The following DAB1 variants were observed in gnomAD, a reference collection of about 807,000 sequenced individuals.
DAB1 encodes disabled homolog 1.
DAB1 carries 15 observed loss-of-function variants against 64.6 expected under a neutral mutation model. That is an observed-to-expected ratio of 0.23 (90% CI 0.16 to 0.36). DAB1 has a LOEUF of 0.36. Among genes scored for constraint, DAB1 ranks in the 10% least tolerant of loss-of-function variants. The probability of loss-of-function intolerance (pLI) is 1.00; values close to 1 mark genes in which losing one functional copy is unlikely to be tolerated. For missense variants in DAB1, 596 were observed against 706.7 expected (o/e 0.84, Z 1.78); for synonymous variants, 235 against 251.9 (o/e 0.93, Z 0.64).
intron 4 of DAB1, among the ~76,000 whole-genome samples, chr1:58,304,095 T>C (rs1358771524): frequency 1.3e-5 from 2 of 152,004 alleles, no homozygotes; most frequent in Non-Finnish European, 2.9e-5. Flanking sequence ...CGGGGAAAAA[T>C]TCATGATTCC....
intron 4 of DAB1, among the ~76,000 whole-genome samples, chr1:58,232,802 G>A (rs1482829174): frequency 3.9e-5 from 6 of 152,148 alleles, no homozygotes; most frequent in Non-Finnish European, 8.8e-5. Flanking sequence ...CAAAGGCTCT[G>A]TTCAATCAAA....
chr1:57,734,720 C>T (rs1368520290), intron 6 of DAB1, among the ~76,000 whole-genome samples: 2 of 152,200 alleles, frequency 1.3e-5, no homozygotes, highest in African/African-American at 4.8e-5. Context: ...ACGGGATATA[C>T]TTTTCCAATT....
chr1:57,990,596 A>T (rs1243182322), intron 5 of DAB1, among the ~76,000 whole-genome samples: 1 of 152,162 alleles, frequency 6.6e-6, no homozygotes, highest in Non-Finnish European at 1.5e-5. Flanking sequence ...GGAGCATGAC[A>T]TGCATGTTCT....
At chr1:57,126,842 C>A (rs546110139) in intron 4 of DAB1, among the ~76,000 whole-genome samples, 4 of 152,288 alleles carry the variant, frequency 2.6e-5, no homozygotes, top group Admixed American at 2.6e-4. Context: ...ATCACCCTGT[C>A]CCCAGGTTCC....
At chr1:57,142,631 T>TACACACACACATAC (rs1557797585) in intron 3 of DAB1, among the ~76,000 whole-genome samples, 32 of 42,386 alleles carry the variant, frequency 7.5e-4, no homozygotes, top group Non-Finnish European at 1.4e-3. Flanking sequence ...CACACACACA[T>TACACACACACATAC]ACACACACAC....
At chr1:58,047,118 TTC>T (rs1647290198) in intron 5 of DAB1, among the ~76,000 whole-genome samples, 1 of 152,192 alleles carries the variant, frequency 6.6e-6, no homozygotes, top group East Asian at 1.9e-4. Flanking sequence ...ATTTTGGAAA[TTC>T]TGTTTTATTA....
At chr1:58,347,554 T>A (rs1398815860) in intron 3 of DAB1, among the ~76,000 whole-genome samples, 1 of 152,164 alleles carries the variant, frequency 6.6e-6, no homozygotes, top group Non-Finnish European at 1.5e-5. Flanking sequence ...GTGCTGTGGA[T>A]CCCAGTAATG....
chr1:57,013,980 T>C (rs1320229905), intron 12 of DAB1, among the ~76,000 whole-genome samples: 2 of 152,230 alleles, frequency 1.3e-5, no homozygotes, highest in Admixed American at 1.3e-4. Flanking sequence ...GTCATACGCT[T>C]GCCCAAAGAC....
intron 1 of DAB1, among the ~76,000 whole-genome samples, chr1:57,291,465 A>G (rs966682775): frequency 1.3e-5 from 2 of 152,302 alleles, no homozygotes; most frequent in Non-Finnish European, 2.9e-5. Context: ...ACTAGATCCC[A>G]ACCAGAATAT....
chr1:57,439,446 T>TTTTTTTTTTTTTTTC (rs1685847161), intron 7 of DAB1, among the ~76,000 whole-genome samples: 1 of 141,944 alleles, frequency 7.0e-6, no homozygotes, highest in Non-Finnish European at 1.5e-5. Flanking sequence ...TTTTTTTTTT[T>TTTTTTTTTTTTTTTC]TGAGACGGAG....
At chr1:57,556,558 G>T (rs952792409) in intron 7 of DAB1, among the ~76,000 whole-genome samples, 2 of 151,542 alleles carry the variant, frequency 1.3e-5, no homozygotes, top group African/African-American at 2.4e-5. Flanking sequence ...TCATATGTTT[G>T]TTGGCCATTT....
intron 4 of DAB1, among the ~76,000 whole-genome samples, chr1:58,205,020 T>C (rs1199210961): frequency 2.0e-5 from 3 of 152,184 alleles, no homozygotes; most frequent in Non-Finnish European, 4.4e-5. Context: ...AATATTATAA[T>C]AATAGTATTC....
At chr1:57,153,097 C>A (rs1249109973) in intron 2 of DAB1, among the ~76,000 whole-genome samples, 1 of 152,214 alleles carries the variant, frequency 6.6e-6, no homozygotes, top group Non-Finnish European at 1.5e-5. Flanking sequence ...ATGATCTTAG[C>A]TCACTGCAAT....
At chr1:57,704,341 G>A (rs181025443) in intron 6 of DAB1, among the ~76,000 whole-genome samples, 238 of 152,220 alleles carry the variant, frequency 1.6e-3, no homozygotes, top group Non-Finnish European at 2.6e-3. Flanking sequence ...CCCCACCAAT[G>A]CCTCTCATAT....
rs148731142 is a variant in DAB1 at position 58,457,407 on chromosome 1, C to G, written n.257+48653G>C. 2.5e-4 allele frequency among the ~76,000 whole-genome samples: 38 copies of G among 152,310 alleles called. 1 individual carries two copies. In the East Asian group the frequency reaches 7.3e-3, roughly 29 times the overall value. On this transcript the variant is annotated intron_variant and non_coding_transcript_variant, in intron 3 of 20. Coordinates refer to the DAB1 transcript ENST00000485760. ...GTCCCAGCTGGCCACCTCCTCATGTCTACACAATAGCTCCAGCTCAGTGAC... is the reference window on the plus strand; with the variant it reads ...GTCCCAGCTGGCCACCTCCTCATGTGTACACAATAGCTCCAGCTCAGTGAC...
chr1:58,017,417 T>A (rs1378009061), intron 5 of DAB1, among the ~76,000 whole-genome samples: 1 of 151,682 alleles, frequency 6.6e-6, no homozygotes, highest in Non-Finnish European at 1.5e-5. Context: ...GCAGTGGGGG[T>A]CCTCAGCAAG....
At chr1:57,525,740 T>A (rs4912255) in intron 7 of DAB1, among the ~76,000 whole-genome samples, 105,955 of 151,816 alleles carry the variant, frequency 0.7, 37,186 homozygotes, top group South Asian at 0.79. Context: ...CACATTATTA[T>A]TATATTATGG....
intron 3 of DAB1, among the ~76,000 whole-genome samples, chr1:57,137,311 G>A (rs191583482): frequency 1.4e-3 from 212 of 152,254 alleles, no homozygotes; most frequent in Middle Eastern, 0.01. Flanking sequence ...ATGAGTTAGT[G>A]AGAAGGTAAG....
intron 3 of DAB1, among the ~76,000 whole-genome samples, chr1:58,477,100 A>G (rs570054201): frequency 2.0e-5 from 3 of 152,348 alleles, no homozygotes; most frequent in African/African-American, 7.2e-5. Flanking sequence ...TCAGCCATTT[A>G]CTTGAATGCA....
Sources: allele counts gnomAD v4.1 joint callset (sites outside exome capture counted in the v4.1 genomes callset), GRCh38; gene constraint gnomAD v4.1.1; transcripts MANE v1.5; gene names NCBI Gene and HGNC (gene_info 2026-07-23, HGNC 2026-07-21).